The following EFHB variants were observed in gnomAD, a reference collection of about 807,000 sequenced individuals.
EFHB encodes EF-hand domain family member B.
In EFHB, 91 loss-of-function variants were observed where a neutral mutation model predicts 87.2. That is an observed-to-expected ratio of 1.04 (90% CI 0.88 to 1.24). The LOEUF is 1.24. Ranked by LOEUF, EFHB falls within the 50% of genes most tolerant of loss-of-function variation. EFHB has a pLI of 0.00. For missense variants in EFHB, 1,084 were observed against 998.8 expected, an observed-to-expected ratio of 1.09 and a Z score of -1.15; for synonymous variants, 325 against 333.6, an observed-to-expected ratio of 0.97 and a Z score of 0.28.
intron 1 of EFHB, chr3:19,940,539 C>T: frequency 2.0e-6 from 1 of 504,540 alleles, no homozygotes. Flanking sequence ...CAGTTGCTTC[C>T]ATGTTGAATT....
chr3:19,882,379 C>A (rs182261198), intron 12 of EFHB, among the ~76,000 whole-genome samples, 171 bp downstream of exon 12: 1 of 152,218 alleles, frequency 6.6e-6, no homozygotes, highest in East Asian at 1.9e-4. Flanking sequence ...TAAATTCTAC[C>A]TCAAGAATTG....
rs1274342701 is a variant in EFHB, at chr3:19,908,616, G to GA, written c.1289-2868dup. Among the ~76,000 whole-genome samples the GA allele has an allele frequency of 1.1e-3, 159 of 147,186 alleles. 2 individuals are homozygous for GA. The highest frequency in any genetic ancestry group is 3.6e-3 in the African/African-American group (137 of 38,550). On this transcript the variant is annotated intron_variant, in intron 5 of 12. Coordinates refer to ENST00000295824, the MANE Select transcript of EFHB (RefSeq NM_144715.4). Reference sequence around the variant, plus strand: ...AGAGAGAGAGAAAGAAAGAAAGAAAGAAAGAAAGAAAGAAAGAAAGAAAGA... The same window carrying GA: ...AGAGAGAGAGAAAGAAAGAAAGAAAGAAAAGAAAGAAAGAAAGAAAGAAAGA...
intron 5 of EFHB, among the ~76,000 whole-genome samples, chr3:19,914,925 A>G (rs1695174615): frequency 6.6e-6 from 1 of 151,972 alleles, no homozygotes; most frequent in Admixed American, 6.6e-5. Flanking sequence ...CCTCATATCT[A>G]TTTAAAAACT....
upstream of EFHB, among the ~76,000 whole-genome samples, chr3:19,938,932 A>C (rs983805078): frequency 2.6e-5 from 4 of 152,190 alleles, no homozygotes; most frequent in African/African-American, 7.2e-5. Flanking sequence ...TTTGAGAAGG[A>C]GTCTCACTCT....
intron 1 of EFHB, among the ~76,000 whole-genome samples, chr3:19,923,308 G>C (rs1559469520): frequency 6.6e-6 from 1 of 150,820 alleles, no homozygotes; most frequent in African/African-American, 2.4e-5. Context: ...AACAAGCCAT[G>C]CAACACACAC....
At chr3:19,881,821 G>A (rs2071682659) in intron 12 of EFHB, among the ~76,000 whole-genome samples, 1 of 152,016 alleles carries the variant, frequency 6.6e-6, no homozygotes, top group South Asian at 2.1e-4. Flanking sequence ...TTCTGAAGAA[G>A]CAAGTACTCC....
chr3:19,892,353 A>G (rs1559448843), intron 9 of EFHB, among the ~76,000 whole-genome samples: 1 of 152,224 alleles, frequency 6.6e-6, no homozygotes, highest in Non-Finnish European at 1.5e-5. Context: ...CCCACATCTT[A>G]GTAAAGCTGT....
At chr3:19,901,573 G>GGC (rs1559454778) in intron 6 of EFHB, among the ~76,000 whole-genome samples, 1 of 152,018 alleles carries the variant, frequency 6.6e-6, no homozygotes, top group African/African-American at 2.4e-5. Context: ...ATTTGTTGGC[G>GGC]GGGGGGAAGA....
At chr3:19,903,402 A>G (rs1375580012) in intron 6 of EFHB, among the ~76,000 whole-genome samples, 1 of 152,206 alleles carries the variant, frequency 6.6e-6, no homozygotes, top group Non-Finnish European at 1.5e-5. Context: ...CATATGTTTT[A>G]CAAACTGATA....
chr3:19,879,938 T>TTGTGTG, intron 12 of EFHB, 134 bp from the exon 13 acceptor site: 1 of 755,596 alleles, frequency 1.3e-6, no homozygotes, highest in Non-Finnish European at 2.0e-6. Flanking sequence ...GTGTATGTAT[T>TTGTGTG]TGTGTGTGTG....
At chr3:19,895,868 T>C (rs1179026616) in intron 9 of EFHB, among the ~76,000 whole-genome samples, 1 of 152,234 alleles carries the variant, frequency 6.6e-6, no homozygotes. Flanking sequence ...CAGTTTCTTA[T>C]AGTGCTCCTC....
intron 12 of EFHB, 35 bp from the exon 13 acceptor site, chr3:19,879,839 T>C (rs1442534913): frequency 2.0e-6 from 3 of 1,526,656 alleles, no homozygotes; most frequent in Non-Finnish European, 2.6e-6. Context: ...CCATGATTTA[T>C]ATGTTTTAAA....
chr3:19,919,852 C>A lies in EFHB; in HGVS notation c.977G>T (p.Arg326Ile). The A allele has an allele frequency of 6.2e-7, 1 of 1,613,046 alleles. No individual in the cohort carries two copies. Among genetic ancestry groups the A allele is most frequent in the Non-Finnish European group, 8.5e-7 (1 of 1,179,332 alleles). ...ACTTACCAGTACTGAAATTTTAGAT[C>A]TAATTCCATGTGTCAAATAAGGTGC... is the stretch of plus-strand genomic sequence containing the variant. Reference protein sequence around the residue: ...QIAPYLTHGIRSKISVLANTL... With the variant: ...QIAPYLTHGIISKISVLANTL... Residue 326 changes from arginine to isoleucine, a missense_variant, in exon 3 of 13, where the codon AGA becomes ATA. Physicochemically the swap from Arg to Ile is moderately conservative, Grantham distance 97 (BLOSUM62 -3). Coordinates refer to ENST00000295824, the MANE Select transcript of EFHB (RefSeq NM_144715.4).
intron 9 of EFHB, 162 bp downstream of exon 9, chr3:19,896,525 A>G (rs1694486928): frequency 3.1e-6 from 3 of 983,594 alleles, no homozygotes; most frequent in Non-Finnish European, 4.7e-6. Flanking sequence ...CAATACTGAA[A>G]ACAACACAGG....
chr3:19,890,395 G>C (rs1054469547), intron 9 of EFHB, among the ~76,000 whole-genome samples: 1 of 152,164 alleles, frequency 6.6e-6, no homozygotes, highest in Non-Finnish European at 1.5e-5. Context: ...CATTTTTATG[G>C]TTTGGATACA....
rs1377625778 is a variant in EFHB at position 19,882,586 on chromosome 3, A to G, written c.2292T>C (p.Phe764=). ...ATCTGGTCTTGAAGAAGTCTCTTTC[A>G]AACACTCCTTTCCGGGCAAAAATGG... ...YPTIFARKGV[F]ERDFFKTRSK... Residue 764 remains phenylalanine (F), a synonymous_variant, in exon 12 of 13, where the codon TTT becomes TTC. Coordinates refer to ENST00000295824, the MANE Select transcript of EFHB (RefSeq NM_144715.4). 2 of 1,610,870 alleles carry G rather than the reference A, an allele frequency of 1.2e-6. No homozygotes were observed. The highest frequency in any genetic ancestry group is 1.3e-5 in the African/African-American group (1 of 74,896).
At chr3:19,926,492 T>C (rs1695631096) in intron 1 of EFHB, among the ~76,000 whole-genome samples, 1 of 151,966 alleles carries the variant, frequency 6.6e-6, no homozygotes, top group Non-Finnish European at 1.5e-5. Flanking sequence ...GCCTCCCGAG[T>C]AGCTGGGACT....
chr3:19,889,226 A>C (rs1303582553), intron 9 of EFHB, among the ~76,000 whole-genome samples: 4 of 152,198 alleles, frequency 2.6e-5, no homozygotes, highest in Non-Finnish European at 4.4e-5. Context: ...GAAATGTATA[A>C]GGGCTCTCAG....
intron 3 of EFHB, among the ~76,000 whole-genome samples, 152 bp from the exon 4 acceptor site, chr3:19,918,564 G>A (rs1695319011): frequency 6.6e-6 from 1 of 152,084 alleles, no homozygotes; most frequent in African/African-American, 2.4e-5. Context: ...CAAATGAACT[G>A]TCAGAATTGG....
Sources: allele counts gnomAD v4.1 joint callset (sites outside exome capture counted in the v4.1 genomes callset), GRCh38; gene constraint gnomAD v4.1.1; transcripts MANE v1.5; gene names NCBI Gene and HGNC (gene_info 2026-07-23, HGNC 2026-07-21).